BABAM2: variants seen among roughly 807,000 people sequenced by gnomAD.
BABAM2 encodes BRISC and BRCA1 A complex member 2.
Under a neutral mutation model 54.7 loss-of-function variants are expected in BABAM2, and 31 were observed. That is an observed-to-expected ratio of 0.57 (90% CI 0.43 to 0.77). The LOEUF (loss-of-function observed/expected upper bound fraction) is 0.77. Ranked by LOEUF, BABAM2 falls within the 30% of genes least tolerant of loss-of-function variation. BABAM2 has a pLI of 0.00. For synonymous variants in BABAM2, 167 were observed against 162.9 expected, an observed-to-expected ratio of 1.03 and a Z score of -0.19; for missense variants, 364 against 455.8, an observed-to-expected ratio of 0.80 and a Z score of 1.83.
chr2:28,285,002 G>A (rs568283192), intron 10 of BABAM2, among the ~76,000 whole-genome samples: 26 of 152,302 alleles, frequency 1.7e-4, no homozygotes, highest in African/African-American at 6.0e-4. Context: ...GACTTAGAGA[G>A]TATAGTCAGT....
chr2:28,143,243 C>G (rs1671218025), intron 7 of BABAM2, among the ~76,000 whole-genome samples: 1 of 151,842 alleles, frequency 6.6e-6, no homozygotes, highest in Admixed American at 6.6e-5. Context: ...ATAAGCCAAG[C>G]ATAGAAAGAA....
At chr2:27,914,976 C>T (rs980454705) in intron 2 of BABAM2, among the ~76,000 whole-genome samples, 3 of 152,108 alleles carry the variant, frequency 2.0e-5, no homozygotes, top group Admixed American at 2.0e-4. Context: ...GCTTGCTCTG[C>T]AGCCAATTTA....
Position 28,131,067 on chromosome 2 carries a change from A to ATTTT in BABAM2, c.680+1689_680+1690insTTTT, listed in dbSNP as rs1375422651. Among the ~76,000 whole-genome samples, 8 of 1,674 alleles carry ATTTT rather than the reference A, an allele frequency of 4.8e-3. 1 individual carries two copies. The highest frequency in any genetic ancestry group is 0.015 in the Admixed American group (2 of 134). 1.1% of individuals were successfully genotyped at this position (1,674 alleles called of 152,430 possible). On this transcript the variant is annotated intron_variant, in intron 7 of 11. Coordinates refer to ENST00000379624, the MANE Select transcript of BABAM2 (RefSeq NM_199191.3). ...CAAAGAGTGTTTTATTATTATTATT[A>ATTTT]TTATTATTATTATTTTTTTTTTTTT... is the stretch of plus-strand genomic sequence containing the variant.
At chr2:28,201,811 G>A (rs1488934035) in intron 7 of BABAM2, among the ~76,000 whole-genome samples, 1 of 152,104 alleles carries the variant, frequency 6.6e-6, no homozygotes, top group Non-Finnish European at 1.5e-5. Flanking sequence ...GCATCAGCAG[G>A]AACAGGTTGC....
At chr2:28,129,739 G>A (rs1669866243) in intron 7 of BABAM2, among the ~76,000 whole-genome samples, 1 of 152,118 alleles carries the variant, frequency 6.6e-6, no homozygotes, top group African/African-American at 2.4e-5. Context: ...TTACTTATTT[G>A]TAACTATTAA....
intron 6 of BABAM2, among the ~76,000 whole-genome samples, chr2:28,123,607 G>A (rs1004230083): frequency 6.6e-5 from 10 of 152,142 alleles, no homozygotes; most frequent in Non-Finnish European, 1.3e-4. Flanking sequence ...TAATTTCCCA[G>A]ATGGGAGGGA....
intron 6 of BABAM2, among the ~76,000 whole-genome samples, chr2:28,077,929 G>A (rs1664829179): frequency 6.6e-6 from 1 of 152,246 alleles, no homozygotes; most frequent in African/African-American, 2.4e-5. Flanking sequence ...AAGTAACTGG[G>A]TAGATGTTTG....
At position 28,129,313 on chromosome 2, in the gene BABAM2, G is replaced by C; in HGVS notation, c.613G>C (p.Val205Leu). 1.2e-6 allele frequency: 2 copies of C among 1,614,164 alleles called. No individual in the cohort carries two copies. The highest frequency in any genetic ancestry group is 1.7e-6 in the Non-Finnish European group (2 of 1,180,006). ...TGGAGAAGATGTGGCCCTCCTCTCTGTTAGTTTTGAGGACACTGAAGCCAC... is the reference window on the plus strand; with the variant it reads ...TGGAGAAGATGTGGCCCTCCTCTCTCTTAGTTTTGAGGACACTGAAGCCAC... ...DPGEDVALLS[V>L]SFEDTEATQV... Residue 205 changes from valine (V) to leucine (L), a missense_variant, in exon 7 of 12, where the codon GTT becomes CTT. Transcript: ENST00000379624.
intron 10 of BABAM2, among the ~76,000 whole-genome samples, chr2:28,273,074 T>C (rs968627263): frequency 1.8e-4 from 27 of 152,318 alleles, no homozygotes; most frequent in African/African-American, 5.5e-4. Flanking sequence ...ATGGAGCTGA[T>C]ACGACGTCCC....
rs1259022923 is a variant in BABAM2 at position 28,131,073 on chromosome 2, A to ATTTTT, written c.680+1695_680+1696insTTTTT. ...GTGTTTTATTATTATTATTATTATT[A>ATTTTT]TTATTATTTTTTTTTTTTTTTTTTT... On this transcript the variant is annotated intron_variant, in intron 7 of 11. Coordinates refer to ENST00000379624, the MANE Select transcript of BABAM2 (RefSeq NM_199191.3). 1.4e-3 allele frequency among the ~76,000 whole-genome samples: 10 copies of ATTTTT among 7,320 alleles called. 2 individuals are homozygous for ATTTTT. The highest frequency in any genetic ancestry group is 5.8e-3 in the East Asian group (2 of 346). The allele number at this position is 7,320 out of a possible 152,430, so 4.8% of individuals were successfully genotyped here.
At chr2:28,235,642 C>CT (rs1049795849) in intron 7 of BABAM2, among the ~76,000 whole-genome samples, 3 of 150,226 alleles carry the variant, frequency 2.0e-5, no homozygotes, top group Admixed American at 2.0e-4. Flanking sequence ...GCCCTAAACT[C>CT]TTTTTTTGTT....
chr2:28,125,582 C>T (rs538489637), intron 6 of BABAM2, among the ~76,000 whole-genome samples: 17 of 152,232 alleles, frequency 1.1e-4, no homozygotes, highest in East Asian at 1.9e-4. Context: ...TGTGAGCCAC[C>T]GCGCCCGGCC....
intron 4 of BABAM2, 140 bp from the exon 5 acceptor site, chr2:28,025,085 TG>T (rs1460879126): frequency 2.0e-5 from 13 of 650,188 alleles, no homozygotes; most frequent in Non-Finnish European, 3.0e-5. Context: ...ACTTCATCTC[TG>T]GGTATATGGC....
chr2:27,956,528 C>A (rs964984866), intron 3 of BABAM2, among the ~76,000 whole-genome samples: 1 of 152,148 alleles, frequency 6.6e-6, no homozygotes, highest in Non-Finnish European at 1.5e-5. Flanking sequence ...CGATGACCCA[C>A]ACAGTAGACA....
At chr2:28,059,929 T>C (rs2148637839) in intron 6 of BABAM2, among the ~76,000 whole-genome samples, 1 of 152,270 alleles carries the variant, frequency 6.6e-6, no homozygotes, top group African/African-American at 2.4e-5. Flanking sequence ...CCACCAATCA[T>C]TTAAGGAAGA....
chr2:28,309,973 A>G (rs1427147087), intron 11 of BABAM2: 1 of 1,216,618 alleles, frequency 8.2e-7, no homozygotes, highest in Non-Finnish European at 1.2e-6. Flanking sequence ...GGGGTTTAGA[A>G]GTAGAGCTGT....
chr2:28,111,978 A>T (rs1250940483), intron 6 of BABAM2, among the ~76,000 whole-genome samples: 1 of 152,112 alleles, frequency 6.6e-6, no homozygotes, highest in Admixed American at 6.5e-5. Flanking sequence ...AAAAACATCC[A>T]TAGCTTACTA....
intron 6 of BABAM2, among the ~76,000 whole-genome samples, chr2:28,075,021 T>G (rs886184611): frequency 6.6e-6 from 1 of 152,158 alleles, no homozygotes; most frequent in Non-Finnish European, 1.5e-5. Context: ...TAGGACATGC[T>G]TAGAGTAGTC....
At chr2:28,309,972 A>G in intron 11 of BABAM2, 1 of 1,206,298 alleles carries the variant, frequency 8.3e-7, no homozygotes. Context: ...TGGGGTTTAG[A>G]AGTAGAGCTG....
Sources: gnomAD v4.1 joint callset for allele counts (sites outside exome capture counted in the v4.1 genomes callset) on GRCh38, gnomAD v4.1.1 for gene constraint, MANE v1.5 for transcripts, NCBI Gene and HGNC (gene_info 2026-07-23, HGNC 2026-07-21) for gene names.